Variants in AGBL4 observed in about 807,000 individuals in gnomAD.
The protein encoded by AGBL4 is AGBL carboxypeptidase 4, also known as cytosolic carboxypeptidase 6.
AGBL4 carries 58 observed loss-of-function variants against 66.4 expected under a neutral mutation model. The ratio of observed to expected loss-of-function variants is 0.87; its 90% CI spans 0.71 to 1.09. The LOEUF (loss-of-function observed/expected upper bound fraction) is 1.09. AGBL4 is among the 50% of genes least tolerant of loss of function. AGBL4 has a pLI of 0.00. For missense variants in AGBL4, 579 were observed against 631.0 expected, an observed-to-expected ratio of 0.92 and a Z score of 0.88; for synonymous variants, 234 against 222.9, an observed-to-expected ratio of 1.05 and a Z score of -0.44.
chr1:49,119,464 T>C (rs1213357500), intron 4 of AGBL4, among the ~76,000 whole-genome samples: 1 of 152,198 alleles, frequency 6.6e-6, no homozygotes, highest in East Asian at 1.9e-4. Context: ...TACCCAGTAG[T>C]CATTCATGAG....
chr1:49,494,006 C>T (rs1032958127), intron 3 of AGBL4, among the ~76,000 whole-genome samples: 12 of 151,834 alleles, frequency 7.9e-5, no homozygotes, highest in African/African-American at 2.7e-4. Context: ...ATAAGACTTT[C>T]GAAAACAGGG....
chr1:49,254,535 AC>A (rs1652321793), intron 3 of AGBL4, among the ~76,000 whole-genome samples: 6 of 152,216 alleles, frequency 3.9e-5, no homozygotes, highest in African/African-American at 1.4e-4. Flanking sequence ...AAATTGAAAA[AC>A]ATTCCATGTT....
intron 6 of AGBL4, among the ~76,000 whole-genome samples, chr1:48,738,030 C>T (rs1649336742): frequency 6.6e-6 from 1 of 152,120 alleles, no homozygotes; most frequent in Non-Finnish European, 1.5e-5. Context: ...GATGCATACC[C>T]AACTAATGGC....
At chr1:49,425,245 T>C (rs1255936863) in intron 3 of AGBL4, among the ~76,000 whole-genome samples, 7 of 152,124 alleles carry the variant, frequency 4.6e-5, no homozygotes, top group Non-Finnish European at 1.0e-4. Flanking sequence ...AAATAAACTT[T>C]AAAAACTATC....
intron 5 of AGBL4, among the ~76,000 whole-genome samples, chr1:48,944,870 TAC>T (rs1310817183): frequency 6.6e-6 from 1 of 152,212 alleles, no homozygotes; most frequent in Non-Finnish European, 1.5e-5. Context: ...CAGGACATAA[TAC>T]AGTTTCTTTA....
intron 4 of AGBL4, among the ~76,000 whole-genome samples, chr1:49,119,107 G>C: frequency 6.6e-6 from 1 of 151,832 alleles, no homozygotes; most frequent in Non-Finnish European, 1.5e-5. Flanking sequence ...TATTAGTCTT[G>C]CTAGTGTTCT....
intron 6 of AGBL4, among the ~76,000 whole-genome samples, chr1:48,735,970 T>A (rs1380896312): frequency 6.6e-6 from 1 of 152,158 alleles, no homozygotes; most frequent in Non-Finnish European, 1.5e-5. Flanking sequence ...TATCCTCCCC[T>A]CCTGAGAACT....
intron 3 of AGBL4, among the ~76,000 whole-genome samples, chr1:49,681,406 T>G (rs1646690977): frequency 6.6e-6 from 1 of 152,214 alleles, no homozygotes; most frequent in Admixed American, 6.5e-5. Context: ...CAGGTATGGA[T>G]AGAAGTCCAG....
chr1:49,977,587 T>C (rs996773793), intron 1 of AGBL4, among the ~76,000 whole-genome samples: 14 of 152,228 alleles, frequency 9.2e-5, no homozygotes, highest in Non-Finnish European at 1.8e-4. Flanking sequence ...AGGAGAATAT[T>C]TTCTGTACAA....
At chr1:48,799,692 G>T (rs1024467138) in intron 6 of AGBL4, among the ~76,000 whole-genome samples, 2 of 152,082 alleles carry the variant, frequency 1.3e-5, no homozygotes, top group Non-Finnish European at 2.9e-5. Context: ...TTTGCTGAGG[G>T]TTTTAATCAT....
chr1:49,240,551 C>CTTTTTTTTTTTTT (rs34162300), intron 4 of AGBL4, among the ~76,000 whole-genome samples: 2 of 123,716 alleles, frequency 1.6e-5, no homozygotes, highest in African/African-American at 3.0e-5. Flanking sequence ...ACTGCATTTT[C>CTTTTTTTTTTTTT]TTTTTTTTTT....
chr1:48,811,985 A>C (rs1646062028), intron 6 of AGBL4, among the ~76,000 whole-genome samples: 1 of 152,180 alleles, frequency 6.6e-6, no homozygotes, highest in South Asian at 2.1e-4. Context: ...GGTGACTTGG[A>C]AGTTCAGGAA....
chr1:48,733,697 C>T (rs913932475), intron 6 of AGBL4, among the ~76,000 whole-genome samples: 2 of 152,002 alleles, frequency 1.3e-5, no homozygotes, highest in African/African-American at 4.8e-5. Context: ...GACTATCTTA[C>T]GAGGTAAGAT....
chr1:48,738,763 TC>T (rs1649461338), intron 6 of AGBL4, among the ~76,000 whole-genome samples: 1 of 152,186 alleles, frequency 6.6e-6, no homozygotes. Context: ...GAGATGAAAG[TC>T]CTTTTAGCCA....
At chr1:49,409,763 C>T (rs775642963) in intron 3 of AGBL4, among the ~76,000 whole-genome samples, 15 of 152,096 alleles carry the variant, frequency 9.9e-5, no homozygotes, top group Non-Finnish European at 1.6e-4. Context: ...AAAATCAATA[C>T]GTGCTACTTT....
intron 3 of AGBL4, among the ~76,000 whole-genome samples, chr1:49,464,930 A>T (rs1297579761): frequency 1.3e-5 from 2 of 151,586 alleles, no homozygotes; most frequent in Non-Finnish European, 3.0e-5. Flanking sequence ...CTCTCCTGGT[A>T]CCTAGCTCAA....
intron 3 of AGBL4, among the ~76,000 whole-genome samples, chr1:49,554,457 C>A (rs1033922215): frequency 6.6e-6 from 1 of 152,094 alleles, no homozygotes; most frequent in African/African-American, 2.4e-5. Flanking sequence ...ACAATTGAAA[C>A]CATTTTTTTA....
chr1:49,386,048 A>G (rs1422686782), intron 3 of AGBL4, among the ~76,000 whole-genome samples: 5 of 152,066 alleles, frequency 3.3e-5, no homozygotes, highest in Admixed American at 6.6e-5. Context: ...TGTAGACACT[A>G]TAAAGAAATT....
chr1:49,100,366 T>C (rs978652874), intron 4 of AGBL4, among the ~76,000 whole-genome samples: 4 of 152,128 alleles, frequency 2.6e-5, no homozygotes, highest in African/African-American at 9.6e-5. Flanking sequence ...CCTCTCCGTA[T>C]ATGAAGCAAT....
Sources: allele counts gnomAD v4.1 joint callset (sites outside exome capture counted in the v4.1 genomes callset), GRCh38; gene constraint gnomAD v4.1.1; transcripts MANE v1.5; gene names NCBI Gene and HGNC (gene_info 2026-07-23, HGNC 2026-07-21).